ESCO1: variants seen among roughly 807,000 people sequenced by gnomAD.
ESCO1 encodes the protein N-acetyltransferase ESCO1.
ESCO1 carries 33 observed loss-of-function variants against 83.5 expected under a neutral mutation model. That is an observed-to-expected ratio of 0.40 (90% CI 0.30 to 0.53). The LOEUF (loss-of-function observed/expected upper bound fraction) is 0.53, where lower values mean the gene tolerates loss of function less well. Ranked by LOEUF, ESCO1 falls within the 20% of genes least tolerant of loss-of-function variation. The pLI, the probability that ESCO1 is intolerant of heterozygous loss-of-function variation, is 0.63. For missense variants in ESCO1, 855 were observed against 968.0 expected (o/e 0.88, Z 1.55); for synonymous variants, 332 against 324.3 (o/e 1.02, Z -0.25).
chr18:21,553,126 C>T (rs934801332), intron 8 of ESCO1, among the ~76,000 whole-genome samples: 1 of 152,002 alleles, frequency 6.6e-6, no homozygotes, highest in Admixed American at 6.6e-5. Flanking sequence ...CTCAACTCTA[C>T]AAAAAATTAA....
intron 1 of ESCO1, among the ~76,000 whole-genome samples, chr18:21,597,457 C>T (rs1011229466): frequency 4.7e-5 from 7 of 148,974 alleles, no homozygotes; most frequent in Admixed American, 1.3e-4. Flanking sequence ...CCCAAGAGCT[C>T]AAGGCCAGCC....
At chr18:21,564,730 T>G (rs1426912680) in intron 6 of ESCO1, among the ~76,000 whole-genome samples, 1 of 151,712 alleles carries the variant, frequency 6.6e-6, no homozygotes, top group Non-Finnish European at 1.5e-5. Flanking sequence ...GCTGATAAAT[T>G]TCAGCTTCAA....
At chr18:21,600,327 G>A (rs2038825641) in intron 1 of ESCO1, among the ~76,000 whole-genome samples, 1 of 152,258 alleles carries the variant, frequency 6.6e-6, no homozygotes, top group Non-Finnish European at 1.5e-5. Context: ...GCCCTGCCCC[G>A]TCGGCGGTCA....
At position 21,567,988 on chromosome 18, in the gene ESCO1, T is replaced by G; in HGVS notation, c.1637A>C (p.Lys546Thr). 1.2e-6 allele frequency: 2 copies of G among 1,608,970 alleles called. No individual in the cohort carries two copies. Among genetic ancestry groups the G allele is most frequent in the Non-Finnish European group, 1.7e-6 (2 of 1,177,648 alleles). ...TATTTCCAAAGTATTACCTGGAAAT[T>G]TATTCTCTCCTGTATCAATTTTTGC... ...SQAKIDTGENKFPGSAPQQHS... is the reference protein window; with the variant it reads ...SQAKIDTGENTFPGSAPQQHS... Residue 546 changes from lysine to threonine, a missense_variant, in exon 5 of 12, where the codon AAA (lysine) becomes ACA (threonine). Transcript: ENST00000269214.
intron 4 of ESCO1, among the ~76,000 whole-genome samples, chr18:21,568,447 A>T (rs1273859550): frequency 6.6e-6 from 1 of 152,146 alleles, no homozygotes; most frequent in Non-Finnish European, 1.5e-5. Flanking sequence ...TCTTCCACAG[A>T]TATATTCAAT....
chr18:21,568,200 G>A, intron 4 of ESCO1, 106 bp from the exon 5 acceptor site: 1 of 784,240 alleles, frequency 1.3e-6, no homozygotes, highest in Non-Finnish European at 2.1e-6. Flanking sequence ...TTTTTATTTG[G>A]AGCAATTAAT....
At chr18:21,580,782 G>T (rs1244067235) in intron 2 of ESCO1, among the ~76,000 whole-genome samples, 1 of 152,116 alleles carries the variant, frequency 6.6e-6, no homozygotes. Context: ...CTGAGGTCAG[G>T]AGTTCGAGAC....
chr18:21,549,940 C>G (rs2038024230), intron 8 of ESCO1, among the ~76,000 whole-genome samples: 1 of 150,806 alleles, frequency 6.6e-6, no homozygotes, highest in Non-Finnish European at 1.5e-5. Context: ...GCACTCCAGC[C>G]TGGGCAACAA....
intron 2 of ESCO1, among the ~76,000 whole-genome samples, chr18:21,582,708 C>T (rs191816552): frequency 1.4e-3 from 212 of 152,226 alleles, no homozygotes; most frequent in Non-Finnish European, 2.6e-3. Context: ...TAATAGATAA[C>T]AAGATAATAA....
chr18:21,599,058 T>A (rs1171769471), intron 1 of ESCO1, among the ~76,000 whole-genome samples: 10 of 151,264 alleles, frequency 6.6e-5, no homozygotes, highest in African/African-American at 2.4e-4. Flanking sequence ...AAAAAAAAAA[T>A]TCACCAGGCA....
intron 2 of ESCO1, among the ~76,000 whole-genome samples, chr18:21,580,202 A>C (rs960359): frequency 0.32 from 48,303 of 151,770 alleles, 10,550 homozygotes; most frequent in African/African-American, 0.59. Context: ...CCCAGCCCCC[A>C]AAAATTTTTT....
Position 21,563,018 on chromosome 18 carries a change from C to T in ESCO1, c.1821+1185G>A, listed in dbSNP as rs1400399750. On this transcript the variant is annotated intron_variant, in intron 7 of 11. Transcript: ENST00000269214. ...TCCCGAGCAGCTGGGATTATAGGAA[C>T]GAATCACCACGCCCAGCTAATTTTG... Among the ~76,000 whole-genome samples the T allele has an allele frequency of 4.0e-5, 6 of 151,354 alleles. No homozygotes were observed. The East Asian group carries it at 1.2e-3, about 30-fold the overall frequency.
chr18:21,599,251 T>C (rs8089831), intron 1 of ESCO1, among the ~76,000 whole-genome samples: 26,766 of 152,044 alleles, frequency 0.18, 2,701 homozygotes, highest in East Asian at 0.37. Flanking sequence ...GGTGGGAGGA[T>C]TGCTTGGGGC....
chr18:21,564,320 T>A lies in ESCO1; in HGVS notation c.1707-3A>T. On this transcript the variant is annotated splice_region_variant and splice_polypyrimidine_tract_variant and intron_variant, in intron 6 of 11. Coordinates refer to ENST00000269214, the MANE Select transcript of ESCO1 (RefSeq NM_052911.3). ...AAGAATGATTTCGTGGTGTCTCCCT[T>A]AAAAAAAATAAAATTACTAAATGTT... 1 of 1,547,594 alleles carries A rather than the reference T, an allele frequency of 6.5e-7. No individual in the cohort carries two copies. Among genetic ancestry groups the A allele is most frequent in the Non-Finnish European group, 8.8e-7 (1 of 1,131,212 alleles).
chr18:21,595,356 C>T (rs1053707409), intron 1 of ESCO1, among the ~76,000 whole-genome samples: 2 of 122,922 alleles, frequency 1.6e-5, no homozygotes, highest in African/African-American at 6.7e-5. Context: ...AAGAGCAAAA[C>T]TCCGTCTCAA....
intron 11 of ESCO1, among the ~76,000 whole-genome samples, chr18:21,531,100 A>C (rs1235030977): frequency 6.6e-6 from 1 of 152,192 alleles, no homozygotes; most frequent in East Asian, 1.9e-4. Flanking sequence ...GAACAACCTA[A>C]AACTGAAATT....
rs184306271 is a variant in ESCO1 at position 21,562,339 on chromosome 18, G to A, written c.1822-1349C>T. 6.1e-3 allele frequency among the ~76,000 whole-genome samples: 927 copies of A among 152,176 alleles called. 7 individuals are homozygous for A. The highest frequency in any genetic ancestry group is 8.3e-3 in the Non-Finnish European group (563 of 68,006). ...AAAAATACAACAAATAGCCAGGCAC[G>A]GTGGTGCGTGCCTGTAAACCCAGCT... On this transcript the variant is annotated intron_variant, in intron 7 of 11. Transcript: ENST00000269214.
intron 8 of ESCO1, among the ~76,000 whole-genome samples, chr18:21,557,270 T>C (rs2038125482): frequency 6.6e-6 from 1 of 152,230 alleles, no homozygotes; most frequent in South Asian, 2.1e-4. Flanking sequence ...TTTGACTTGA[T>C]TGTATTTTTC....
intron 8 of ESCO1, among the ~76,000 whole-genome samples, chr18:21,549,830 G>A (rs2038022561): frequency 1.3e-5 from 2 of 151,850 alleles, no homozygotes; most frequent in African/African-American, 2.4e-5. Context: ...AGCTGGGTGT[G>A]GTGGCACATG....
Sources: gnomAD v4.1 joint callset for allele counts (sites outside exome capture counted in the v4.1 genomes callset) on GRCh38, gnomAD v4.1.1 for gene constraint, MANE v1.5 for transcripts, NCBI Gene and HGNC (gene_info 2026-07-23, HGNC 2026-07-21) for gene names.